Variants in CA10 observed in about 807,000 individuals in gnomAD.
The protein encoded by CA10 is carbonic anhydrase-related protein 10.
CA10 carries 14 observed loss-of-function variants against 44.2 expected under a neutral mutation model. The observed-to-expected ratio is 0.32, with a 90% CI of 0.21 to 0.50. The LOEUF (loss-of-function observed/expected upper bound fraction) is 0.50. CA10 is among the 20% of genes least tolerant of loss of function. The pLI, the probability that CA10 is intolerant of heterozygous loss-of-function variation, is 0.99. For synonymous variants in CA10, 159 were observed against 141.6 expected, an observed-to-expected ratio of 1.12 and a Z score of -0.87; for missense variants, 350 against 409.7, an observed-to-expected ratio of 0.85 and a Z score of 1.26.
chr17:51,954,634 G>T (rs1043091291), intron 2 of CA10, among the ~76,000 whole-genome samples: 1 of 152,172 alleles, frequency 6.6e-6, no homozygotes, highest in Non-Finnish European at 1.5e-5. Flanking sequence ...ATCTGGCACT[G>T]GTTTAATCAG....
In CA10 at chr17:51,647,899, T is replaced by G. The variant is rs190088572; in HGVS notation, c.634+1283A>C. 2.4e-3 allele frequency among the ~76,000 whole-genome samples: 370 copies of G among 152,298 alleles called. 1 individual carries two copies. Among genetic ancestry groups the G allele is most frequent in the South Asian group, 0.012 (57 of 4,818 alleles). ...TGCTTGGAGACAACCTAATTCATTCTTCTGGGCAATGTCTCTCTAGGTGGA... is the reference window on the plus strand; with the variant it reads ...TGCTTGGAGACAACCTAATTCATTCGTCTGGGCAATGTCTCTCTAGGTGGA... On this transcript the variant is annotated intron_variant, in intron 6 of 8. Coordinates refer to ENST00000451037, the MANE Select transcript of CA10 (RefSeq NM_020178.5).
intron 2 of CA10, among the ~76,000 whole-genome samples, chr17:52,042,278 A>C (rs1181938906): frequency 6.6e-6 from 1 of 152,018 alleles, no homozygotes; most frequent in Non-Finnish European, 1.5e-5. Context: ...TCTTTTTCAT[A>C]ATAGCCATCC....
intron 4 of CA10, among the ~76,000 whole-genome samples, chr17:51,738,239 A>T (rs760089995): frequency 1.3e-5 from 2 of 152,250 alleles, no homozygotes; most frequent in South Asian, 2.1e-4. Context: ...GCAAAAGTTT[A>T]TCGATATGTC....
At chr17:51,755,236 T>C (rs970699170) in intron 3 of CA10, among the ~76,000 whole-genome samples, 1 of 152,208 alleles carries the variant, frequency 6.6e-6, no homozygotes, top group Non-Finnish European at 1.5e-5. Flanking sequence ...AAATCCCCTA[T>C]TGTTTTGGGT....
At position 52,074,342 on chromosome 17, in the gene CA10, C is replaced by T. The variant is rs533413750; in HGVS notation, c.62-1949G>A. ...TCAAGCCTGGGAAAAATGCATGTTT[C>T]TAAGATCTTAAAAGCATTGAACTAT... On this transcript the variant is annotated intron_variant, in intron 1 of 8. Coordinates refer to ENST00000451037, the MANE Select transcript of CA10 (RefSeq NM_020178.5). Among the ~76,000 whole-genome samples the T allele has an allele frequency of 2.0e-5, 3 of 152,264 alleles. No individual in the cohort carries two copies. In the East Asian group the frequency reaches 5.8e-4, roughly 29 times the overall value.
chr17:51,782,782 A>G (rs1214558970), intron 3 of CA10, among the ~76,000 whole-genome samples: 1 of 152,152 alleles, frequency 6.6e-6, no homozygotes, highest in Non-Finnish European at 1.5e-5. Flanking sequence ...GGGAGGCAGG[A>G]TGTTGCATCC....
chr17:52,065,511 A>C (rs940739355), intron 2 of CA10, among the ~76,000 whole-genome samples: 3 of 152,174 alleles, frequency 2.0e-5, no homozygotes, highest in Non-Finnish European at 4.4e-5. Flanking sequence ...TGGTGGGAAG[A>C]GATAAGGTCC....
At chr17:51,746,230 G>A (rs528000770) in intron 4 of CA10, among the ~76,000 whole-genome samples, 2 of 152,298 alleles carry the variant, frequency 1.3e-5, no homozygotes, top group East Asian at 1.9e-4. Context: ...GACATGCCTC[G>A]GGGCTTTTGC....
chr17:52,122,649 T>C (rs1989036823), intron 1 of CA10, among the ~76,000 whole-genome samples: 1 of 152,174 alleles, frequency 6.6e-6, no homozygotes, highest in Non-Finnish European at 1.5e-5. Flanking sequence ...CCTTCCATAA[T>C]ATTGCTACCC....
At chr17:51,796,229 T>C (rs1165074243) in intron 3 of CA10, among the ~76,000 whole-genome samples, 2 of 151,964 alleles carry the variant, frequency 1.3e-5, no homozygotes, top group Non-Finnish European at 2.9e-5. Context: ...TCTTTTTTTT[T>C]AGAGGCGACC....
At chr17:52,108,179 TTATATATATATTTTTTATA>T (rs1988701747) in intron 1 of CA10, among the ~76,000 whole-genome samples, 2 of 134,880 alleles carry the variant, frequency 1.5e-5, no homozygotes, top group Non-Finnish European at 1.6e-5. Context: ...TAATATATTT[TTATATATATATTTTTTATA>T]TATATATATA....
At chr17:51,925,929 G>T (rs947990679) in intron 3 of CA10, among the ~76,000 whole-genome samples, 4 of 152,126 alleles carry the variant, frequency 2.6e-5, no homozygotes, top group African/African-American at 9.7e-5. Flanking sequence ...GTTACCAGGG[G>T]CTGAGGGGGA....
At chr17:52,006,946 C>T (rs1208195850) in intron 2 of CA10, among the ~76,000 whole-genome samples, 2 of 151,574 alleles carry the variant, frequency 1.3e-5, no homozygotes, top group African/African-American at 2.4e-5. Context: ...TTGAATTGCA[C>T]GTTATAATTT....
At chr17:51,870,031 C>G (rs988611034) in intron 3 of CA10, among the ~76,000 whole-genome samples, 3 of 152,194 alleles carry the variant, frequency 2.0e-5, no homozygotes, top group Non-Finnish European at 4.4e-5. Flanking sequence ...GCCCAAACCA[C>G]TCTTTAATTA....
intron 4 of CA10, among the ~76,000 whole-genome samples, chr17:51,745,372 G>C (rs1040711136): frequency 6.6e-6 from 1 of 152,074 alleles, no homozygotes; most frequent in Non-Finnish European, 1.5e-5. Context: ...TTTTGACAAG[G>C]CTTCCCAGTT....
chr17:51,780,104 A>C (rs1905997108), intron 3 of CA10, among the ~76,000 whole-genome samples: 1 of 152,248 alleles, frequency 6.6e-6, no homozygotes, highest in Non-Finnish European at 1.5e-5. Flanking sequence ...AATCATAGAC[A>C]TTCAACCTGG....
In CA10 at chr17:51,706,693, C is replaced by A. The variant is rs571567849; in HGVS notation, c.465+40940G>T. The stretch of plus-strand genomic sequence containing the variant: ...CTTAGAAGAAAATCCATATCCAGAT[C>A]CAGTCCCCCAAAACCTTCAGGATTC... On this transcript the variant is annotated intron_variant, in intron 4 of 8. Coordinates refer to ENST00000451037, the MANE Select transcript of CA10 (RefSeq NM_020178.5). Among the ~76,000 whole-genome samples, 3 of 152,280 alleles carry A rather than the reference C, an allele frequency of 2.0e-5. No homozygotes were observed. The South Asian group carries it at 6.2e-4, about 32-fold the overall frequency.
chr17:51,677,657 G>C (rs1020642075), intron 4 of CA10, among the ~76,000 whole-genome samples: 1 of 152,116 alleles, frequency 6.6e-6, no homozygotes, highest in Non-Finnish European at 1.5e-5. Flanking sequence ...GAGGGAGACA[G>C]GGTGGAGTAG....
At chr17:51,983,491 C>G (rs977124414) in intron 2 of CA10, among the ~76,000 whole-genome samples, 1 of 151,722 alleles carries the variant, frequency 6.6e-6, no homozygotes, top group Non-Finnish European at 1.5e-5. Flanking sequence ...ATAATATACT[C>G]TACTTAAATA....
Sources: allele counts gnomAD v4.1 joint callset (sites outside exome capture counted in the v4.1 genomes callset), GRCh38; gene constraint gnomAD v4.1.1; transcripts MANE v1.5; gene names NCBI Gene and HGNC (gene_info 2026-07-23, HGNC 2026-07-21).